The following CACNA1I variants were observed in gnomAD, a reference collection of about 807,000 sequenced individuals.
CACNA1I encodes calcium voltage-gated channel subunit alpha1 I, also known as voltage-dependent T-type calcium channel subunit alpha-1I.
A neutral mutation model predicts 201.6 loss-of-function variants in CACNA1I; 74 were observed. The observed-to-expected ratio is 0.37, with a 90% CI of 0.30 to 0.45. The LOEUF (loss-of-function observed/expected upper bound fraction) is 0.45. Among genes scored for constraint, CACNA1I ranks in the 20% least tolerant of loss-of-function variants. The pLI is 1.00. For synonymous variants in CACNA1I, 1,431 were observed against 1,345.2 expected (o/e 1.06, Z -1.40); for missense variants, 2,346 against 3,138.1 (o/e 0.75, Z 6.03).
At position 39,673,024 on chromosome 22, in the gene CACNA1I, G is replaced by A. The variant is rs146350217; in HGVS notation, c.4725G>A (p.Ala1575=). Residue 1575 remains alanine, a synonymous_variant, in exon 28 of 37, where the codon GCG becomes GCA. Transcript: ENST00000402142. ...GITLEEIEIN[A]ALPINPTIIR... is the part of the protein sequence containing the mutation. The stretch of plus-strand genomic sequence containing the variant: ...CCCTGGAGGAGATCGAGATCAATGC[G>A]GCCCTGCCCATCAATCCCACCATCA... The A allele has an allele frequency of 5.6e-5, 91 of 1,613,826 alleles. No individual in the cohort carries two copies. In the African/African-American group the frequency reaches 1.0e-3, roughly 18 times the overall value.
chr22:39,682,411 G>C, intron 34 of CACNA1I, 85 bp from the exon 35 acceptor site: 1 of 1,145,130 alleles, frequency 8.7e-7, no homozygotes, highest in Non-Finnish European at 1.3e-6. Flanking sequence ...AGTTAAGCAA[G>C]GGGCCGTGGA....
intron 3 of CACNA1I, among the ~76,000 whole-genome samples, chr22:39,611,224 A>G (rs1933378169): frequency 6.6e-6 from 1 of 152,198 alleles, no homozygotes; most frequent in Non-Finnish European, 1.5e-5. Flanking sequence ...TGATGGTGTT[A>G]CATCCTGACA....
At position 39,662,193 on chromosome 22, in the gene CACNA1I, C is replaced by T. The variant is rs755881686; in HGVS notation, c.3130C>T (p.Pro1044Ser). The T allele has an allele frequency of 5.9e-6, 9 of 1,529,212 alleles. No individual in the cohort carries two copies. In the South Asian group the frequency reaches 6.1e-5, roughly 10 times the overall value. 94.7% of individuals were successfully genotyped at this position (1,529,212 alleles called of 1,614,324 possible). A position where few individuals can be genotyped will look rare whatever the true frequency, so the allele number is the denominator to read the frequency against. ...TPHAHHIHHG[P>S]HLAHRHRHHR... ...ACACGCCCACCACATTCATCACGGG[C>T]CCCATCTGGCGCACCGCCACCGCCA... is the stretch of plus-strand genomic sequence containing the variant. The change falls in exon 17 of 37, where the codon CCC becomes TCC. Residue 1044 changes from proline (P) to serine (S), a missense_variant. Physicochemically the swap from Pro to Ser is moderately conservative, Grantham distance 74. Around this residue, in one of 13 missense-constraint regions of CACNA1I, gnomAD observed 288 missense variants for 255.2 expected, o/e 1.13. Transcript: ENST00000402142.
chr22:39,633,430 C>G (rs1327466044), intron 4 of CACNA1I, among the ~76,000 whole-genome samples: 1 of 152,190 alleles, frequency 6.6e-6, no homozygotes, highest in African/African-American at 2.4e-5. Flanking sequence ...ACGTGGCAGC[C>G]TAGGCTAGGT....
At chr22:39,639,698 A>G (rs534177405) in intron 5 of CACNA1I, among the ~76,000 whole-genome samples, 42 of 152,318 alleles carry the variant, frequency 2.8e-4, no homozygotes, top group East Asian at 2.3e-3. Flanking sequence ...ATAGATAGCA[A>G]CTATCCTAAC....
chr22:39,589,223 G>A (rs1932794711), intron 1 of CACNA1I, among the ~76,000 whole-genome samples: 1 of 152,156 alleles, frequency 6.6e-6, no homozygotes, highest in Admixed American at 6.5e-5. Flanking sequence ...GAACACCTAG[G>A]TTGTCCCAGG....
intron 3 of CACNA1I, among the ~76,000 whole-genome samples, chr22:39,603,967 T>C (rs780147402): frequency 3.9e-5 from 6 of 152,236 alleles, no homozygotes; most frequent in Non-Finnish European, 7.3e-5. Context: ...AGACCTTTAG[T>C]GAACAGGAAA....
At chr22:39,579,024 C>T (rs1932460517) in intron 1 of CACNA1I, among the ~76,000 whole-genome samples, 1 of 152,242 alleles carries the variant, frequency 6.6e-6, no homozygotes, top group Non-Finnish European at 1.5e-5. Context: ...CTCCTCAGCC[C>T]TACGTGGGCC....
Position 39,662,215 on chromosome 22 carries a change from G to GCCACCA in CACNA1I, c.3155_3160dup (p.His1052_His1053dup). The GCCACCA allele has an allele frequency of 3.3e-6, 5 of 1,528,132 alleles. No individual in the cohort carries two copies. The highest frequency in any genetic ancestry group is 4.4e-6 in the Non-Finnish European group (5 of 1,141,576). 94.7% of individuals were successfully genotyped at this position (1,528,132 alleles called of 1,614,324 possible). Reference sequence around the variant, plus strand: ...GGGCCCCATCTGGCGCACCGCCACCGCCACCACCGCCGGACGCTGTCCCTC... The same window carrying GCCACCA: ...GGGCCCCATCTGGCGCACCGCCACCGCCACCACCACCACCGCCGGACGCTGTCCCTC... On this transcript the variant is annotated inframe_insertion, in exon 17 of 37. Transcript: ENST00000402142.
chr22:39,598,133 C>T lies in CACNA1I; in HGVS notation c.237-18C>T, dbSNP rs1453962457. 6.5e-7 allele frequency: 1 copy of T among 1,531,462 alleles called. No homozygotes were observed. Among genetic ancestry groups the T allele is most frequent in the African/African-American group, 1.4e-5 (1 of 73,224 alleles). The allele number at this position is 1,531,462 out of a possible 1,614,324, so 94.9% of individuals were successfully genotyped here. On this transcript the variant is annotated intron_variant, in intron 1 of 36. Transcript: ENST00000402142. ...CGGGCGATCCCACCTGCTGCTTTGT[C>T]CTTGACTTGGTGTGCACGTGGTTTG...
intron 4 of CACNA1I, among the ~76,000 whole-genome samples, chr22:39,621,037 C>T (rs1388703420): frequency 6.6e-6 from 1 of 152,208 alleles, no homozygotes; most frequent in Non-Finnish European, 1.5e-5. Context: ...GGATTACAGG[C>T]ATGAGCCACT....
intron 10 of CACNA1I, among the ~76,000 whole-genome samples, chr22:39,653,793 C>T (rs1340490555): frequency 6.6e-6 from 1 of 152,230 alleles, no homozygotes; most frequent in Non-Finnish European, 1.5e-5. Flanking sequence ...GGGCATTACC[C>T]AGAGAACAGC....
At position 39,646,933 on chromosome 22, in the gene CACNA1I, A is replaced by T. The variant is rs1232039224; in HGVS notation, c.1462+52A>T. 10 of 1,445,928 alleles carry T rather than the reference A, an allele frequency of 6.9e-6. No individual in the cohort carries two copies. In the East Asian group the frequency reaches 2.0e-4, roughly 29 times the overall value. The allele number at this position is 1,445,928 out of a possible 1,614,324, so 89.6% of individuals were successfully genotyped here. Reference sequence around the variant, plus strand: ...ACTCAGGCACTTCGTGCCAAGTGTCACTCCTTTCCAGCACGTCCAGCAGGC... The same window carrying T: ...ACTCAGGCACTTCGTGCCAAGTGTCTCTCCTTTCCAGCACGTCCAGCAGGC... On this transcript the variant is annotated intron_variant, in intron 8 of 36. Transcript: ENST00000402142.
rs1935325641 is a variant in CACNA1I, at chr22:39,670,155, C to T, written c.4312C>T (p.Arg1438Trp). ...GVVVENFHKC[R>W]QHQEAEEARR... ...CGTGGTGGAGAACTTCCACAAGTGC[C>T]GGCAGCACCAGGAGGCTGAAGAGGC... The change falls in exon 25 of 37, where the codon CGG (arginine) becomes TGG (tryptophan). Residue 1438 changes from arginine to tryptophan, a missense_variant. Physicochemically the swap from Arg to Trp is moderately radical, Grantham distance 101 (BLOSUM62 -3). Around this residue, in one of 13 missense-constraint regions of CACNA1I, gnomAD observed 228 missense variants for 395.7 expected, o/e 0.58. Coordinates refer to ENST00000402142, the MANE Select transcript of CACNA1I (RefSeq NM_021096.4). The T allele has an allele frequency of 6.2e-7, 1 of 1,613,892 alleles. No individual in the cohort carries two copies. The highest frequency in any genetic ancestry group is 1.7e-5 in the Admixed American group (1 of 60,004).
chr22:39,634,057 G>A (rs1934138672), intron 4 of CACNA1I, among the ~76,000 whole-genome samples: 1 of 152,212 alleles, frequency 6.6e-6, no homozygotes, highest in Non-Finnish European at 1.5e-5. Flanking sequence ...ACCAGCCTCA[G>A]TCCCAAGGCC....
chr22:39,629,504 C>A lies in CACNA1I; in HGVS notation c.581-5061C>A, dbSNP rs528026620. ...TATCTGGGCCCAGCCCCACCATCTTCCGGTTTATCACAATGATGAATGTAT... is the reference window on the plus strand; with the variant it reads ...TATCTGGGCCCAGCCCCACCATCTTACGGTTTATCACAATGATGAATGTAT... On this transcript the variant is annotated intron_variant, in intron 4 of 36. Transcript: ENST00000402142. This position sits in a 1 kb window ranked among gnomAD's most constrained non-coding sequence, Gnocchi z 4.8. Among the ~76,000 whole-genome samples, 27 of 151,684 alleles carry A rather than the reference C, an allele frequency of 1.8e-4. No homozygotes were observed. The highest frequency in any genetic ancestry group is 5.6e-4 in the African/African-American group (23 of 41,354).
intron 1 of CACNA1I, among the ~76,000 whole-genome samples, chr22:39,587,549 C>T (rs1422273378): frequency 2.0e-5 from 3 of 151,988 alleles, no homozygotes; most frequent in African/African-American, 4.8e-5. Context: ...GCCTGTCTCC[C>T]GAGGCAGCTG....
chr22:39,599,597 C>G (rs1227221864), intron 2 of CACNA1I, among the ~76,000 whole-genome samples: 2 of 122,206 alleles, frequency 1.6e-5, no homozygotes, highest in Non-Finnish European at 3.3e-5. Context: ...CCAGCCTGGG[C>G]GACAGAGCGA....
chr22:39,647,982 C>T, intron 9 of CACNA1I, 56 bp downstream of exon 9: 1 of 1,471,934 alleles, frequency 6.8e-7, no homozygotes, highest in South Asian at 1.1e-5. Flanking sequence ...CCACTTCTCC[C>T]AGTTGGTGCT....
Sources: gnomAD v4.1 joint callset for allele counts (sites outside exome capture counted in the v4.1 genomes callset) on GRCh38, gnomAD v4.1.1 for gene constraint, gnomAD v4.1.1 regional missense constraint, Gnocchi (gnomAD v3.1) non-coding constraint, MANE v1.5 for transcripts, NCBI Gene and HGNC (gene_info 2026-07-23, HGNC 2026-07-21) for gene names.